Variants in CSMD1 observed in about 807,000 individuals in gnomAD.
CSMD1 encodes CUB and Sushi multiple domains 1.
CSMD1 carries 213 observed loss-of-function variants against 417.5 expected under a neutral mutation model. That is an observed-to-expected ratio of 0.51 (90% CI 0.46 to 0.57). The LOEUF (loss-of-function observed/expected upper bound fraction) is 0.57. Ranked by LOEUF, CSMD1 falls within the 20% of genes least tolerant of loss-of-function variation. The pLI is 0.00. For synonymous variants in CSMD1, 2,862 were observed against 1,736.8 expected, an observed-to-expected ratio of 1.65 and a Z score of -16.11; for missense variants, 6,923 against 4,529.7, an observed-to-expected ratio of 1.53 and a Z score of -15.17.
At chr8:3,733,619 G>A (rs760785194) in intron 6 of CSMD1, among the ~76,000 whole-genome samples, 3 of 151,920 alleles carry the variant, frequency 2.0e-5, no homozygotes, top group Non-Finnish European at 4.4e-5. Flanking sequence ...ATCCTGCCTC[G>A]GTCCCGAATC....
chr8:4,095,934 T>C (rs191603433), intron 3 of CSMD1, among the ~76,000 whole-genome samples: 166 of 152,306 alleles, frequency 1.1e-3, no homozygotes, highest in Non-Finnish European at 1.2e-3. Context: ...AAATGTATCA[T>C]TCCTAAAAAG....
chr8:4,882,550 C>G (rs1803481512), intron 1 of CSMD1, among the ~76,000 whole-genome samples: 1 of 151,730 alleles, frequency 6.6e-6, no homozygotes, highest in African/African-American at 2.4e-5. Flanking sequence ...GTGGCCTCTG[C>G]TGAGGCAACC....
intron 5 of CSMD1, among the ~76,000 whole-genome samples, chr8:3,915,643 CAG>C (rs1369436573): frequency 1.3e-5 from 2 of 151,294 alleles, no homozygotes; most frequent in African/African-American, 4.9e-5. Context: ...TATAATTTAA[CAG>C]AACCTGTGTA....
At chr8:3,275,232 T>C (rs1043062227) in intron 26 of CSMD1, among the ~76,000 whole-genome samples, 9 of 152,220 alleles carry the variant, frequency 5.9e-5, no homozygotes, top group African/African-American at 1.4e-4. Flanking sequence ...AAAATTCTTT[T>C]CTTTAAGAAT....
chr8:4,269,038 A>G (rs1001247521), intron 3 of CSMD1, among the ~76,000 whole-genome samples: 3 of 152,136 alleles, frequency 2.0e-5, no homozygotes, highest in African/African-American at 7.2e-5. Flanking sequence ...TGCATTTTCC[A>G]AGGTATCATC....
intron 23 of CSMD1, among the ~76,000 whole-genome samples, chr8:3,311,580 T>C (rs1805349751): frequency 6.6e-6 from 1 of 152,200 alleles, no homozygotes; most frequent in African/African-American, 2.4e-5. Flanking sequence ...ACAAGCTTTA[T>C]GCTAGACGAT....
chr8:3,940,398 A>T (rs915492412), intron 5 of CSMD1, among the ~76,000 whole-genome samples: 1 of 152,078 alleles, frequency 6.6e-6, no homozygotes, highest in African/African-American at 2.4e-5. Flanking sequence ...TATTGAAAAT[A>T]ATGACAAAAA....
chr8:3,789,122 C>T (rs1297608827), intron 5 of CSMD1, among the ~76,000 whole-genome samples: 4 of 152,122 alleles, frequency 2.6e-5, no homozygotes, highest in Non-Finnish European at 5.9e-5. Flanking sequence ...TGGAAGGTGA[C>T]TAAGTCCTTT....
chr8:4,411,780 A>G (rs919045095), intron 3 of CSMD1, among the ~76,000 whole-genome samples: 10 of 152,216 alleles, frequency 6.6e-5, no homozygotes, highest in African/African-American at 2.4e-4. Flanking sequence ...CTTTTCACCA[A>G]AATGGAATCA....
chr8:4,175,830 T>G (rs1230405095), intron 3 of CSMD1, among the ~76,000 whole-genome samples: 2 of 152,092 alleles, frequency 1.3e-5, no homozygotes, highest in Non-Finnish European at 2.9e-5. Context: ...GTATGCAGAG[T>G]GAAAGTAACT....
Position 3,367,191 on chromosome 8 carries a change from T to G in CSMD1, c.2956A>C (p.Ile986Leu). ...TCGGAAAAACTTCCATCCTCTGTGA[T>G]CAGTAAATAGTCGTGGGAACTCTCA... is the stretch of plus-strand genomic sequence containing the variant. ...HLESSHDYLL[I>L]TEDGSFSEPV... The change falls in exon 20 of 70, where the codon ATC (isoleucine) becomes CTC (leucine). Residue 986 changes from isoleucine (I) to leucine (L), a missense_variant. Ile to Leu is a conservative substitution (Grantham distance 5). Transcript: ENST00000635120. 6.2e-7 allele frequency: 1 copy of G among 1,613,402 alleles called. No homozygotes were observed. Among genetic ancestry groups the G allele is most frequent in the Non-Finnish European group, 8.5e-7 (1 of 1,179,728 alleles).
chr8:4,135,659 A>C (rs1803384937), intron 3 of CSMD1, among the ~76,000 whole-genome samples: 2 of 152,136 alleles, frequency 1.3e-5, no homozygotes. Flanking sequence ...ATGAAGAAGA[A>C]ACCAAAATAT....
intron 3 of CSMD1, among the ~76,000 whole-genome samples, chr8:4,331,905 C>G (rs1362837451): frequency 6.6e-6 from 1 of 152,084 alleles, no homozygotes; most frequent in African/African-American, 2.4e-5. Flanking sequence ...TATGGAAAAG[C>G]CCACATCGTA....
intron 3 of CSMD1, among the ~76,000 whole-genome samples, chr8:4,317,087 A>G (rs1379001563): frequency 6.6e-6 from 1 of 152,208 alleles, no homozygotes; most frequent in Non-Finnish European, 1.5e-5. Flanking sequence ...ACTAGTGTTT[A>G]TCACAGGCAA....
intron 2 of CSMD1, among the ~76,000 whole-genome samples, chr8:4,599,560 C>G (rs1394810979): frequency 6.6e-6 from 1 of 151,616 alleles, no homozygotes; most frequent in African/African-American, 2.4e-5. Context: ...AAAAAAAAAT[C>G]TCATTGATAA....
At position 4,273,678 on chromosome 8, in the gene CSMD1, A is replaced by G. The variant is rs184616376; in HGVS notation, c.415+146275T>C. ...CAGTAATCTGTAGCAAATAGTTTAT[A>G]ACCTGGATATGGTATTCGAATATTC... On this transcript the variant is annotated intron_variant, in intron 3 of 69. Coordinates refer to ENST00000635120, the MANE Select transcript of CSMD1 (RefSeq NM_033225.6). Among the ~76,000 whole-genome samples, 327 of 152,304 alleles carry G rather than the reference A, an allele frequency of 2.1e-3. 3 individuals carry two copies. Among genetic ancestry groups the G allele is most frequent in the African/African-American group, 7.6e-3 (314 of 41,582 alleles).
intron 48 of CSMD1, among the ~76,000 whole-genome samples, 158 bp from the exon 49 acceptor site, chr8:3,087,443 T>G (rs995404081): frequency 6.6e-6 from 1 of 152,168 alleles, no homozygotes; most frequent in Non-Finnish European, 1.5e-5. Context: ...ATTCCAAAAC[T>G]TGAGAGTCTA....
At chr8:3,691,269 G>A (rs950226091) in intron 7 of CSMD1, among the ~76,000 whole-genome samples, 1 of 152,082 alleles carries the variant, frequency 6.6e-6, no homozygotes, top group Non-Finnish European at 1.5e-5. Flanking sequence ...TCAGGAGGCT[G>A]AAGCAGGAGA....
chr8:3,260,645 C>T (rs1024871843), intron 26 of CSMD1, among the ~76,000 whole-genome samples: 3 of 151,452 alleles, frequency 2.0e-5, no homozygotes, highest in African/African-American at 7.3e-5. Context: ...ACATTTTTGA[C>T]AATCCCTTTC....
Sources: gnomAD v4.1 joint callset for allele counts (sites outside exome capture counted in the v4.1 genomes callset) on GRCh38, gnomAD v4.1.1 for gene constraint, MANE v1.5 for transcripts, NCBI Gene and HGNC (gene_info 2026-07-23, HGNC 2026-07-21) for gene names.